The following PEMT variants were observed in gnomAD, a reference collection of about 807,000 sequenced individuals.
PEMT encodes the protein phosphatidylethanolamine N-methyltransferase.
Under a neutral mutation model 27.4 loss-of-function variants are expected in PEMT, and 23 were observed. That is an observed-to-expected ratio of 0.84 (90% CI 0.60 to 1.19). PEMT has a LOEUF of 1.19. Among genes scored for constraint, PEMT ranks in the 50% most tolerant of loss-of-function variants. PEMT has a pLI of 0.00. For synonymous variants in PEMT, 137 were observed against 139.1 expected, an observed-to-expected ratio of 0.98 and a Z score of 0.11; for missense variants, 307 against 310.1, an observed-to-expected ratio of 0.99 and a Z score of 0.07.
At chr17:17,506,385 G>A (rs1312045705) in intron 5 of PEMT, 84 bp from the exon 6 acceptor site, 11 of 1,097,154 alleles carry the variant, frequency 1.0e-5, no homozygotes, top group African/African-American at 1.6e-5. Flanking sequence ...GGCCCTTCCT[G>A]CCGTGACCCT....
At chr17:17,586,291 A>AGAAAGAAAGAAAGAAAG (rs1219939322) in intron 1 of PEMT, among the ~76,000 whole-genome samples, 1 of 112,150 alleles carries the variant, frequency 8.9e-6, no homozygotes, top group Non-Finnish European at 1.6e-5. Flanking sequence ...AAAGAAAGAA[A>AGAAAGAAAGAAAGAAAG]AAAAAAAACG....
At chr17:17,538,499 G>A (rs1310174067) in intron 2 of PEMT, among the ~76,000 whole-genome samples, 3 of 152,062 alleles carry the variant, frequency 2.0e-5, no homozygotes, top group Admixed American at 1.3e-4. Flanking sequence ...AGGCTGCAGT[G>A]AGCTTGGATT....
rs568144526 is a variant in PEMT, at chr17:17,507,519, C to T, written c.579-1218G>A. ...GGCAGGGCAGACGTAAGCAAAGATC[C>T]AAGCCCAGGCTCCAACCCCAGGCCT... On this transcript the variant is annotated intron_variant, in intron 5 of 6. Transcript: ENST00000255389. 378 of 362,532 alleles carry T rather than the reference C, an allele frequency of 1.0e-3. 3 individuals are homozygous for T. The highest frequency in any genetic ancestry group is 7.3e-3 in the African/African-American group (353 of 48,284). The allele number at this position is 362,532 out of a possible 1,614,324, so 22.5% of individuals were successfully genotyped here.
At position 17,591,684 on chromosome 17, in the gene PEMT, AC is replaced by A; in HGVS notation, c.-59del. 6.4e-7 allele frequency: 1 copy of A among 1,568,008 alleles called. No homozygotes were observed. On this transcript the variant is annotated 5_prime_UTR_variant, in exon 1 of 7. Transcript: ENST00000255389. ...CCCGCTGCAGCCACGCGCCCCCGGAACCGGACCTATAGAGCCGGGTAAGTGC... is the reference window on the plus strand; with the variant it reads ...CCCGCTGCAGCCACGCGCCCCCGGAACGGACCTATAGAGCCGGGTAAGTGC...
chr17:17,579,652 G>A (rs1457634859), intron 1 of PEMT, among the ~76,000 whole-genome samples: 1 of 152,196 alleles, frequency 6.6e-6, no homozygotes, highest in Non-Finnish European at 1.5e-5. Context: ...ACTCCACTGG[G>A]TGACAGAGCA....
rs1279645142 is a variant in PEMT, at chr17:17,577,531, A to C, written c.97-504T>G. 3 of 994,180 alleles carry C rather than the reference A, an allele frequency of 3.0e-6. No individual in the cohort carries two copies. The African/African-American group carries it at 5.2e-5, about 17-fold the overall frequency. The allele number at this position is 994,180 out of a possible 1,614,324, so 61.6% of individuals were successfully genotyped here. On this transcript the variant is annotated intron_variant, in intron 1 of 6. Coordinates refer to ENST00000255389, the MANE Select transcript of PEMT (RefSeq NM_148172.3). The stretch of plus-strand genomic sequence containing the variant: ...TGAGTGGGGCGGGGTAAACTGAAAA[A>C]GTGTGTGCCCACATCCCGGCCACGC...
chr17:17,580,336 G>C (rs1911899175), intron 1 of PEMT, among the ~76,000 whole-genome samples: 1 of 152,148 alleles, frequency 6.6e-6, no homozygotes, highest in Non-Finnish European at 1.5e-5. Flanking sequence ...AATTAGCCAG[G>C]CATGGTGGCG....
At chr17:17,524,466 C>T (rs1023004944) in intron 2 of PEMT, among the ~76,000 whole-genome samples, 1 of 152,000 alleles carries the variant, frequency 6.6e-6, no homozygotes, top group Non-Finnish European at 1.5e-5. Flanking sequence ...AAATTATAGC[C>T]TTCAGGGGTG....
At chr17:17,583,407 A>T (rs1344469547) in intron 1 of PEMT, among the ~76,000 whole-genome samples, 6 of 152,224 alleles carry the variant, frequency 3.9e-5, no homozygotes, top group Admixed American at 3.3e-4. Flanking sequence ...AATATTTTTT[A>T]AAAAGTTTAT....
intron 3 of PEMT, among the ~76,000 whole-genome samples, chr17:17,521,328 C>T (rs754740564): frequency 2.4e-4 from 36 of 152,160 alleles, no homozygotes; most frequent in Non-Finnish European, 3.7e-4. Context: ...GAGGTGAGAC[C>T]GGGGCCCAGA....
intron 1 of PEMT, among the ~76,000 whole-genome samples, chr17:17,590,363 T>G (rs545663976): frequency 7.9e-5 from 12 of 152,342 alleles, no homozygotes; most frequent in African/African-American, 2.4e-4. Context: ...CTCCCTCCTC[T>G]GGGGAATCTT....
intron 2 of PEMT, among the ~76,000 whole-genome samples, chr17:17,526,447 C>T (rs148018737): frequency 2.6e-5 from 4 of 152,390 alleles, no homozygotes; most frequent in East Asian, 1.9e-4. Context: ...CCCCCCACCC[C>T]GATCCCCGGC....
At chr17:17,577,379 C>T in intron 1 of PEMT, 1 of 813,620 alleles carries the variant, frequency 1.2e-6, no homozygotes, top group South Asian at 2.9e-5. Flanking sequence ...GAAACCCAAG[C>T]AGCTGAGATA....
At position 17,505,851 on chromosome 17, in the gene PEMT, G is replaced by A. The variant is rs1474553640; in HGVS notation, c.654-3C>T. 3 of 1,608,996 alleles carry A rather than the reference G, an allele frequency of 1.9e-6. No homozygotes were observed. The East Asian group carries it at 6.7e-5, about 36-fold the overall frequency. On this transcript the variant is annotated splice_polypyrimidine_tract_variant and splice_region_variant and intron_variant, in intron 6 of 6. Transcript: ENST00000255389. ...GGTAGATCTCAGCGGTGAAGGGCCT[G>A]CCGGGCAGCGGGGAGAGGCTTCGGT...
Position 17,591,648 on chromosome 17 carries a change from A to C in PEMT, c.-22T>G. ...TCATCCGGGGGCCGCCTCAGGAGGC[A>C]CCACGCGGGCCCCGCTGCAGCCACG... is the stretch of plus-strand genomic sequence containing the variant. On this transcript the variant is annotated 5_prime_UTR_variant, in exon 1 of 7. Transcript: ENST00000255389. 6.2e-7 allele frequency: 1 copy of C among 1,602,492 alleles called. No homozygotes were observed. The highest frequency in any genetic ancestry group is 8.5e-7 in the Non-Finnish European group (1 of 1,175,052).
At chr17:17,556,955 C>A (rs552124078) in intron 2 of PEMT, among the ~76,000 whole-genome samples, 16 of 152,196 alleles carry the variant, frequency 1.1e-4, no homozygotes, top group Non-Finnish European at 2.2e-4. Flanking sequence ...AGAAAAGAGA[C>A]AGAGAAGCCC....
At chr17:17,526,154 G>A (rs1458500721) in intron 2 of PEMT, among the ~76,000 whole-genome samples, 1 of 152,134 alleles carries the variant, frequency 6.6e-6, no homozygotes, top group Non-Finnish European at 1.5e-5. Context: ...CCACACCCTG[G>A]CAAGGAGTTC....
intron 2 of PEMT, among the ~76,000 whole-genome samples, chr17:17,538,089 G>T (rs1221895131): frequency 6.6e-6 from 1 of 152,236 alleles, no homozygotes; most frequent in South Asian, 2.1e-4. Flanking sequence ...CTGCAACAGG[G>T]GGCCAGTCAG....
intron 2 of PEMT, among the ~76,000 whole-genome samples, chr17:17,562,741 A>T (rs1910576312): frequency 6.6e-6 from 1 of 152,124 alleles, no homozygotes; most frequent in African/African-American, 2.4e-5. Context: ...CCTGGGAGGC[A>T]GAGCTTGCAG....
Sources: gnomAD v4.1 joint callset for allele counts (sites outside exome capture counted in the v4.1 genomes callset) on GRCh38, gnomAD v4.1.1 for gene constraint, MANE v1.5 for transcripts, NCBI Gene and HGNC (gene_info 2026-07-23, HGNC 2026-07-21) for gene names.